The following SNRNP200 variants were observed in gnomAD, a reference collection of about 807,000 sequenced individuals.
The protein encoded by SNRNP200 is U5 small nuclear ribonucleoprotein 200 kDa helicase.
SNRNP200 carries 66 observed loss-of-function variants against 255.2 expected under a neutral mutation model. That is an observed-to-expected ratio of 0.26 (90% CI 0.21 to 0.32). SNRNP200 has a LOEUF of 0.32. Ranked by LOEUF, SNRNP200 falls within the 10% of genes least tolerant of loss-of-function variation. The pLI, the probability that SNRNP200 is intolerant of heterozygous loss-of-function variation, is 1.00. For missense variants in SNRNP200, 1,585 were observed against 2,749.8 expected (o/e 0.58, Z 9.47); for synonymous variants, 939 against 1,027.8 (o/e 0.91, Z 1.65).
At chr2:96,293,278 G>A in intron 15 of SNRNP200, 38 bp downstream of exon 15, 1 of 1,602,010 alleles carries the variant, frequency 6.2e-7, no homozygotes, top group East Asian at 2.2e-5. Flanking sequence ...GAGCAGGATG[G>A]TCACCTTGGC....
rs1490740388 is a variant in SNRNP200, at chr2:96,302,036, A to G, written c.382-320T>C. Reference sequence around the variant, plus strand: ...TTTGTCCTCACTTCCTCTAGCACCCACCTCAACAGAGCTCCTCAGACTCAT... The same window carrying G: ...TTTGTCCTCACTTCCTCTAGCACCCGCCTCAACAGAGCTCCTCAGACTCAT... On this transcript the variant is annotated intron_variant, in intron 3 of 44. Coordinates refer to ENST00000323853, the MANE Select transcript of SNRNP200 (RefSeq NM_014014.5). 7.2e-5 allele frequency among the ~76,000 whole-genome samples: 11 copies of G among 152,092 alleles called. No individual in the cohort carries two copies. The East Asian group carries it at 2.1e-3, about 29-fold the overall frequency.
chr2:96,275,873 G>A (rs1393497971), intron 43 of SNRNP200, among the ~76,000 whole-genome samples: 3 of 152,258 alleles, frequency 2.0e-5, no homozygotes, highest in African/African-American at 7.2e-5. Context: ...GGGCATGGTG[G>A]CGGGTGCCTG....
At chr2:96,279,640 G>C in intron 35 of SNRNP200, 81 bp from the exon 36 acceptor site, 1 of 846,458 alleles carries the variant, frequency 1.2e-6, no homozygotes, top group Non-Finnish European at 2.0e-6. Flanking sequence ...CCTTCGCCAA[G>C]TAAGAGTAAA....
chr2:96,287,670 G>T lies in SNRNP200; in HGVS notation c.3366-113C>A. On this transcript the variant is annotated intron_variant, in intron 25 of 44. Transcript: ENST00000323853. This position sits in a 1 kb window ranked among gnomAD's most constrained non-coding sequence, Gnocchi z 5.7. ...ACTACACAAAACACAGTCATTAAAG[G>T]CAGACACTGACACTGTGCCAGCCCT... 1.0e-6 allele frequency: 1 copy of T among 956,872 alleles called. No homozygotes were observed. The highest frequency in any genetic ancestry group is 1.7e-6 in the Non-Finnish European group (1 of 581,370). 59.3% of individuals were successfully genotyped at this position (956,872 alleles called of 1,614,324 possible).
chr2:96,296,082 A>G (rs896909086), intron 13 of SNRNP200, among the ~76,000 whole-genome samples: 1 of 152,180 alleles, frequency 6.6e-6, no homozygotes, highest in Non-Finnish European at 1.5e-5. Flanking sequence ...GCAGTGAGCC[A>G]TGATTGTGCC....
Position 96,287,515 on chromosome 2 carries a change from A to G in SNRNP200, c.3408T>C (p.Pro1136=). The G allele has an allele frequency of 6.2e-7, 1 of 1,614,206 alleles. No homozygotes were observed. ...TCTCAATCTTCTTCACTACTTCCTCAGGGAGTTTCCGGAACTGGCGCAGAG... is the reference window on the plus strand; with the variant it reads ...TCTCAATCTTCTTCACTACTTCCTCGGGGAGTTTCCGGAACTGGCGCAGAG... ...MCPLRQFRKL[P]EEVVKKIEKK... Residue 1136 remains proline (P), a synonymous_variant, in exon 26 of 45, where the codon CCT becomes CCC. Transcript: ENST00000323853. This position sits in a 1 kb window ranked among gnomAD's most constrained non-coding sequence, Gnocchi z 5.7.
Position 96,291,807 on chromosome 2 carries a change from G to A in SNRNP200, c.2254C>T (p.Leu752=). 1 of 1,614,192 alleles carries A rather than the reference G, an allele frequency of 6.2e-7. No homozygotes were observed. The highest frequency in any genetic ancestry group is 1.1e-5 in the South Asian group (1 of 91,084). Residue 752 remains leucine, a synonymous_variant, in exon 17 of 45, where the codon CTG becomes TTG. Transcript: ENST00000323853. The surrounding 1 kb of genome is among the most constrained non-coding windows in gnomAD (Gnocchi z 4.2). ...CLEKDTLGLF[L]REGSASTEVL... ...TCTGTGGAGGCTGAGCCCTCCCTCA[G>A]AAACAGACCCAGAGTGTCCTTTTCT...
chr2:96,296,128 C>A (rs1254719866), intron 13 of SNRNP200, among the ~76,000 whole-genome samples: 1 of 151,610 alleles, frequency 6.6e-6, no homozygotes, highest in African/African-American at 2.4e-5. Context: ...GAGACCCTGT[C>A]TCAAAAAAAA....
At position 96,298,326 on chromosome 2, in the gene SNRNP200, G is replaced by A; in HGVS notation, c.1077C>T (p.Phe359=). ...KMEADPELSK[F]LYQLHETEKE... ...TCTCGGTTTCATGAAGCTGGTAGAG[G>A]AACTTGGATAGCTCTGGGTCAGCTT... The change falls in exon 9 of 45, where the codon TTC becomes TTT. Residue 359 remains phenylalanine (F), a synonymous_variant. Transcript: ENST00000323853. 6.2e-7 allele frequency: 1 copy of A among 1,614,148 alleles called. No homozygotes were observed. Among genetic ancestry groups the A allele is most frequent in the Non-Finnish European group, 8.5e-7 (1 of 1,180,018 alleles).
intron 16 of SNRNP200, among the ~76,000 whole-genome samples, chr2:96,292,174 A>G (rs1419701335): frequency 6.6e-6 from 1 of 152,212 alleles, no homozygotes; most frequent in African/African-American, 2.4e-5. Context: ...ACAACTACAA[A>G]TTCGGGCCTC....
chr2:96,299,421 C>A lies in SNRNP200; in HGVS notation c.637G>T (p.Asp213Tyr), dbSNP rs1236495213. ...VQFESDEEEG[D>Y]EDVYGEVREE... ...CGAACCTCCCCGTATACGTCTTCATCACCTTCCTGTGGAAATGACCCCAAC... is the reference window on the plus strand; with the variant it reads ...CGAACCTCCCCGTATACGTCTTCATAACCTTCCTGTGGAAATGACCCCAAC... The change falls in exon 6 of 45, where the codon GAT becomes TAT. Residue 213 changes from aspartate to tyrosine, a missense_variant. Physicochemically the swap from Asp to Tyr is radical, Grantham distance 160. Transcript: ENST00000323853. 1 of 1,613,720 alleles carries A rather than the reference C, an allele frequency of 6.2e-7. No homozygotes were observed.
At chr2:96,293,156 T>A (rs1198890338) in intron 15 of SNRNP200, 61 bp from the exon 16 acceptor site, 10 of 1,605,020 alleles carry the variant, frequency 6.2e-6, no homozygotes, top group African/African-American at 1.3e-5. Context: ...GAATAAACAG[T>A]CTTTTTCACT....
intron 9 of SNRNP200, 111 bp downstream of exon 9, chr2:96,298,173 T>C (rs890543592): frequency 4.0e-6 from 6 of 1,503,304 alleles, no homozygotes; most frequent in South Asian, 3.4e-5. Context: ...CCAAAGAATT[T>C]AGGAAATTAC....
In SNRNP200 at chr2:96,278,498, C is replaced by T. The variant is rs1365966876; in HGVS notation, c.5488+49G>A. The stretch of plus-strand genomic sequence containing the variant: ...CTCTCATCCCAGTGGGCTCCTGACC[C>T]GTGTAAAAAGGCTCCCACAGACAGG... On this transcript the variant is annotated intron_variant, in intron 38 of 44. Transcript: ENST00000323853. The surrounding 1 kb of genome is among the most constrained non-coding windows in gnomAD (Gnocchi z 6.9). 1.1e-5 allele frequency: 18 copies of T among 1,611,940 alleles called. No individual in the cohort carries two copies. The highest frequency in any genetic ancestry group is 1.5e-5 in the Non-Finnish European group (18 of 1,179,812).
At position 96,290,590 on chromosome 2, in the gene SNRNP200, G is replaced by A. The variant is rs915902609; in HGVS notation, c.2554-76C>T. 1.2e-6 allele frequency: 2 copies of A among 1,611,564 alleles called. No homozygotes were observed. The highest frequency in any genetic ancestry group is 1.7e-6 in the Non-Finnish European group (2 of 1,177,780). ...TTTTGATGCAGGTATCTACATTACA[G>A]AACTAGACCTCTGATCTGCTAGCTT... On this transcript the variant is annotated intron_variant, in intron 19 of 44. Coordinates refer to ENST00000323853, the MANE Select transcript of SNRNP200 (RefSeq NM_014014.5). The surrounding 1 kb of genome is among the most constrained non-coding windows in gnomAD (Gnocchi z 4.5).
At chr2:96,299,075 G>T in intron 6 of SNRNP200, 108 bp from the exon 7 acceptor site, 4 of 1,434,880 alleles carry the variant, frequency 2.8e-6, no homozygotes, top group Admixed American at 1.8e-5. Flanking sequence ...CCACCTTCTT[G>T]TGAGGACTTT....
Position 96,290,001 on chromosome 2 carries a change from A to G in SNRNP200, c.2743-5T>C. The stretch of plus-strand genomic sequence containing the variant: ...GCCCAGCCAGTTCACCGCATCCTAC[A>G]AGACACAGCTCATGGTTCTTAGCAT... On this transcript the variant is annotated splice_region_variant and splice_polypyrimidine_tract_variant and intron_variant, in intron 20 of 44. Transcript: ENST00000323853. The surrounding 1 kb of genome is among the most constrained non-coding windows in gnomAD (Gnocchi z 4.5). 1.9e-6 allele frequency: 3 copies of G among 1,614,068 alleles called. No homozygotes were observed. The highest frequency in any genetic ancestry group is 2.5e-6 in the Non-Finnish European group (3 of 1,179,916).
chr2:96,297,315 A>G, intron 11 of SNRNP200, 48 bp downstream of exon 11: 1 of 1,610,540 alleles, frequency 6.2e-7, no homozygotes, highest in Non-Finnish European at 8.5e-7. Context: ...TTGAAATCCA[A>G]ACCAGGAGGT....
chr2:96,292,701 G>A (rs2063891546), intron 16 of SNRNP200, among the ~76,000 whole-genome samples: 1 of 152,154 alleles, frequency 6.6e-6, no homozygotes, highest in African/African-American at 2.4e-5. Context: ...TATTTCATCT[G>A]GGCTGAGTTT....
Sources: allele counts gnomAD v4.1 joint callset (sites outside exome capture counted in the v4.1 genomes callset), GRCh38; gene constraint gnomAD v4.1.1; non-coding constraint Gnocchi (gnomAD v3.1); transcripts MANE v1.5; gene names NCBI Gene and HGNC (gene_info 2026-07-23, HGNC 2026-07-21).